ZNF84: variants seen among roughly 807,000 people sequenced by gnomAD.
ZNF84 encodes zinc finger protein HPF2.
In ZNF84, 12 loss-of-function variants were observed where a neutral mutation model predicts 14.8. The observed-to-expected ratio is 0.81, with a 90% CI of 0.52 to 1.31. ZNF84 has a LOEUF of 1.31. ZNF84 is among the 50% of genes most tolerant of loss of function. ZNF84 has a pLI of 0.00. For synonymous variants in ZNF84, 347 were observed against 291.1 expected (o/e 1.19, Z -1.96); for missense variants, 859 against 878.6 (o/e 0.98, Z 0.28).
intron 4 of ZNF84, among the ~76,000 whole-genome samples, chr12:133,055,750 C>T (rs1476742122): frequency 6.6e-6 from 1 of 152,082 alleles, no homozygotes; most frequent in African/African-American, 2.4e-5. Flanking sequence ...AATGATAGAA[C>T]ACCAAGAAAA....
In ZNF84 at chr12:133,058,780, A is replaced by G; in HGVS notation, c.2065A>G (p.Arg689Gly). ...GAAACCCTATGGATGCAGTGAATGTAGGAAGGCCTTCTCTCAGAAGTCACA... is the reference window on the plus strand; with the variant it reads ...GAAACCCTATGGATGCAGTGAATGTGGGAAGGCCTTCTCTCAGAAGTCACA... ...GEKPYGCSECRKAFSQKSQLV... is the reference protein window; with the variant it reads ...GEKPYGCSECGKAFSQKSQLV... Residue 689 changes from arginine to glycine, a missense_variant, in exon 5 of 5, where the codon AGG (arginine) becomes GGG (glycine). Coordinates refer to ENST00000539354, the MANE Select transcript of ZNF84 (RefSeq NM_001289971.2). The G allele has an allele frequency of 3.1e-6, 5 of 1,613,990 alleles. No individual in the cohort carries two copies. Among genetic ancestry groups the G allele is most frequent in the Non-Finnish European group, 4.2e-6 (5 of 1,179,938 alleles).
At chr12:133,051,110 T>C (rs936426564) in intron 4 of ZNF84, among the ~76,000 whole-genome samples, 1 of 120,762 alleles carries the variant, frequency 8.3e-6, no homozygotes, top group Admixed American at 7.4e-5. Flanking sequence ...TTTTGTTTTT[T>C]GGTTTTTTTT....
intron 2 of ZNF84, among the ~76,000 whole-genome samples, chr12:133,045,258 G>A (rs1291125449): frequency 6.6e-6 from 1 of 152,074 alleles, no homozygotes; most frequent in Admixed American, 6.5e-5. Flanking sequence ...ATCACCTGAC[G>A]TCAGGAGTTC....
At chr12:133,050,275 G>A (rs944130126) in intron 4 of ZNF84, among the ~76,000 whole-genome samples, 46 of 152,214 alleles carry the variant, frequency 3.0e-4, no homozygotes, top group African/African-American at 1.1e-3. Flanking sequence ...ATATTCCTCA[G>A]TCTTGATACT....
At chr12:133,056,415 G>A (rs1214109681) in intron 4 of ZNF84, among the ~76,000 whole-genome samples, 5 of 151,688 alleles carry the variant, frequency 3.3e-5, no homozygotes, top group South Asian at 2.1e-4. Flanking sequence ...CACCACACCC[G>A]GCTAATTTTT....
chr12:133,062,680 T>G lies in ZNF84; in HGVS notation c.*3748T>G, dbSNP rs1954284128. On this transcript the variant is annotated 3_prime_UTR_variant, in exon 5 of 5. Coordinates refer to ENST00000539354, the MANE Select transcript of ZNF84 (RefSeq NM_001289971.2). ...ATTATTTTTAAATGCAACCCTGATTTCACATGCCTCATGTTGAAATATCGT... is the reference window on the plus strand; with the variant it reads ...ATTATTTTTAAATGCAACCCTGATTGCACATGCCTCATGTTGAAATATCGT... The G allele has an allele frequency of 5.4e-6, 1 of 186,194 alleles. No homozygotes were observed. 11.5% of individuals were successfully genotyped at this position (186,194 alleles called of 1,614,324 possible).
rs1954212850 is a variant in ZNF84 at position 133,059,051 on chromosome 12, C to G, written c.*119C>G. Reference sequence around the variant, plus strand: ...TTTGTACTCCATGAGGATGAGAACTCTAAATGAGGTGGTGTATGGAAAGCC... The same window carrying G: ...TTTGTACTCCATGAGGATGAGAACTGTAAATGAGGTGGTGTATGGAAAGCC... On this transcript the variant is annotated 3_prime_UTR_variant, in exon 5 of 5. Coordinates refer to ENST00000539354, the MANE Select transcript of ZNF84 (RefSeq NM_001289971.2). 3 of 978,198 alleles carry G rather than the reference C, an allele frequency of 3.1e-6. No homozygotes were observed. Among genetic ancestry groups the G allele is most frequent in the Non-Finnish European group, 4.5e-6 (3 of 665,068 alleles). The allele number at this position is 978,198 out of a possible 1,614,324, so 60.6% of individuals were successfully genotyped here. A position where few individuals can be genotyped will look rare whatever the true frequency, so the allele number is the denominator to read the frequency against.
chr12:133,059,053 A>G lies in ZNF84; in HGVS notation c.*121A>G. 2.1e-6 allele frequency: 2 copies of G among 971,912 alleles called. No individual in the cohort carries two copies. The highest frequency in any genetic ancestry group is 2.4e-5 in the East Asian group (1 of 41,344). The allele number at this position is 971,912 out of a possible 1,614,324, so 60.2% of individuals were successfully genotyped here. On this transcript the variant is annotated 3_prime_UTR_variant, in exon 5 of 5. Transcript: ENST00000539354. ...TGTACTCCATGAGGATGAGAACTCT[A>G]AATGAGGTGGTGTATGGAAAGCCGA... is the stretch of plus-strand genomic sequence containing the variant.
In ZNF84 at chr12:133,062,923, A is replaced by G. The variant is rs1188157191; in HGVS notation, c.*3991A>G. ...ATGCCCTTGTTCCTTGTTAATGCCTATTGAATCTATATGAACCTGTACGTG... is the reference window on the plus strand; with the variant it reads ...ATGCCCTTGTTCCTTGTTAATGCCTGTTGAATCTATATGAACCTGTACGTG... On this transcript the variant is annotated 3_prime_UTR_variant, in exon 5 of 5. Coordinates refer to ENST00000539354, the MANE Select transcript of ZNF84 (RefSeq NM_001289971.2). 12 of 572,036 alleles carry G rather than the reference A, an allele frequency of 2.1e-5. No individual in the cohort carries two copies. Among genetic ancestry groups the G allele is most frequent in the South Asian group, 4.7e-5 (2 of 42,436 alleles). The allele number at this position is 572,036 out of a possible 1,614,324, so 35.4% of individuals were successfully genotyped here.
At chr12:133,048,265 A>G (rs1954017472) in intron 3 of ZNF84, 184 bp downstream of exon 3, 2 of 502,140 alleles carry the variant, frequency 4.0e-6, no homozygotes, top group Admixed American at 3.2e-5. Context: ...TCACCTTTCA[A>G]TAATGAAGTT....
Position 133,057,809 on chromosome 12 carries a change from A to AAC in ZNF84, c.1094_1095insAC (p.His365GlnfsTer88). 1.9e-6 allele frequency: 3 copies of AAC among 1,614,218 alleles called. No individual in the cohort carries two copies. Among genetic ancestry groups the AAC allele is most frequent in the Non-Finnish European group, 2.5e-6 (3 of 1,180,032 alleles). On this transcript the variant is annotated frameshift_variant, in exon 5 of 5. Transcript: ENST00000539354. LOFTEE classifies it low-confidence loss of function (END_TRUNC). ...AGCAGGAAGTCACAACTCGTTACAC[A>AAC]TCACAGAACTCACACAGGAACAAAA... is the stretch of plus-strand genomic sequence containing the variant.
chr12:133,047,800 C>T (rs1954007454), intron 2 of ZNF84, 155 bp from the exon 3 acceptor site: 3 of 752,438 alleles, frequency 4.0e-6, no homozygotes, highest in Admixed American at 2.4e-5. Flanking sequence ...GAAGAATGCA[C>T]AATGACATTT....
Position 133,059,197 on chromosome 12 carries a change from A to G in ZNF84, c.*265A>G. On this transcript the variant is annotated 3_prime_UTR_variant, in exon 5 of 5. Transcript: ENST00000539354. ...GCAAAGAAGAATCCTGTGAATGTCC[A>G]AAAGCCTTCCAGAAGTCAAGTCTCT... 1 of 413,516 alleles carries G rather than the reference A, an allele frequency of 2.4e-6. No homozygotes were observed. The highest frequency in any genetic ancestry group is 3.5e-5 in the East Asian group (1 of 28,836). The allele number at this position is 413,516 out of a possible 1,614,324, so 25.6% of individuals were successfully genotyped here. A position where few individuals can be genotyped will look rare whatever the true frequency, so the allele number is the denominator to read the frequency against.
intron 2 of ZNF84, among the ~76,000 whole-genome samples, chr12:133,043,460 C>G (rs920544047): frequency 6.6e-6 from 1 of 152,196 alleles, no homozygotes; most frequent in Non-Finnish European, 1.5e-5. Context: ...TGAGCCACTA[C>G]GCCTGGCCAA....
chr12:133,057,451 C>T lies in ZNF84; in HGVS notation c.736C>T (p.Gln246Ter). ...TGGTAATTGTGGCAAAACCTTTCCC[C>T]AGAAGTCTCAGTTTATTACACATCA... ...GCGNCGKTFP[Q>*]KSQFITHHRT... The change falls in exon 5 of 5, where the codon CAG becomes TAG. Residue 246 changes from glutamine to a stop codon, truncating the protein, a stop_gained. Transcript: ENST00000539354. LOFTEE classifies it low-confidence loss of function (END_TRUNC). The T allele has an allele frequency of 6.2e-7, 1 of 1,614,164 alleles. No individual in the cohort carries two copies.
chr12:133,056,340 G>A (rs962036986), intron 4 of ZNF84, among the ~76,000 whole-genome samples: 25 of 151,800 alleles, frequency 1.6e-4, no homozygotes, highest in Non-Finnish European at 3.4e-4. Context: ...TGCAATCTCC[G>A]CCTCCTGGGT....
At position 133,059,010 on chromosome 12, in the gene ZNF84, C is replaced by CA; in HGVS notation, c.*79dup. ...AATTATGATAACGTTTGTAGACAGT[C>CA]ACGTCATGTTAGGTGTTTGTACTCC... On this transcript the variant is annotated 3_prime_UTR_variant, in exon 5 of 5. Transcript: ENST00000539354. 1 of 1,392,296 alleles carries CA rather than the reference C, an allele frequency of 7.2e-7. No individual in the cohort carries two copies. The highest frequency in any genetic ancestry group is 1.4e-5 in the South Asian group (1 of 73,164). 86.2% of individuals were successfully genotyped at this position (1,392,296 alleles called of 1,614,324 possible). A position where few individuals can be genotyped will look rare whatever the true frequency, so the allele number is the denominator to read the frequency against.
intron 4 of ZNF84, among the ~76,000 whole-genome samples, chr12:133,049,910 T>C (rs912677301): frequency 1.3e-5 from 2 of 152,210 alleles, no homozygotes; most frequent in African/African-American, 4.8e-5. Flanking sequence ...TCTGAAGTTG[T>C]CAAATTGCTG....
chr12:133,056,444 G>A (rs1226761681), intron 4 of ZNF84, among the ~76,000 whole-genome samples: 1 of 151,832 alleles, frequency 6.6e-6, no homozygotes, highest in Non-Finnish European at 1.5e-5. Context: ...TAGTAGAGAC[G>A]GGGTTTCACC....
Sources: allele counts gnomAD v4.1 joint callset (sites outside exome capture counted in the v4.1 genomes callset), GRCh38; gene constraint gnomAD v4.1.1; transcripts MANE v1.5; gene names NCBI Gene and HGNC (gene_info 2026-07-23, HGNC 2026-07-21).